Variants in RYR1 observed in about 807,000 individuals in gnomAD.
The protein encoded by RYR1 is central core disease of muscle.
Under a neutral mutation model 583.5 loss-of-function variants are expected in RYR1, and 342 were observed. The observed-to-expected ratio is 0.59, with a 90% confidence interval of 0.54 to 0.64. RYR1 has a LOEUF of 0.64. Ranked by LOEUF, RYR1 falls within the 30% of genes least tolerant of loss-of-function variation. The pLI is 0.00. For synonymous variants in RYR1, 2,791 were observed against 2,822.5 expected (o/e 0.99, Z 0.35); for missense variants, 6,032 against 6,917.2 (o/e 0.87, Z 4.54).
chr19:38,511,080 G>A (rs1332654935), intron 60 of RYR1, among the ~76,000 whole-genome samples: 1 of 152,150 alleles, frequency 6.6e-6, no homozygotes, highest in Non-Finnish European at 1.5e-5. Flanking sequence ...AAGATCACTT[G>A]AAGCCAGGAG....
At chr19:38,485,112 ACACAACTAGTATACT>A (rs1325855420) in intron 33 of RYR1, among the ~76,000 whole-genome samples, 24 of 152,234 alleles carry the variant, frequency 1.6e-4, no homozygotes, top group African/African-American at 5.8e-4. Flanking sequence ...TGGCACTCAA[ACACAACTAGTATACT>A]CAGACCTGCC....
In RYR1 at chr19:38,527,537, G is replaced by T. The variant is rs757561328; in HGVS notation, c.10687-110G>T. The T allele has an allele frequency of 5.3e-5, 73 of 1,368,860 alleles. 1 individual carries two copies. Among genetic ancestry groups the T allele is most frequent in the East Asian group, 3.6e-4 (15 of 41,564 alleles). The allele number at this position is 1,368,860 out of a possible 1,614,324, so 84.8% of individuals were successfully genotyped here. ...AACAAAAAGATGAAGAAGAAGAAAG[G>T]CCTCAACATGCACTCACCCATTGAG... On this transcript the variant is annotated intron_variant, in intron 72 of 105. Coordinates refer to ENST00000359596, the MANE Select transcript of RYR1 (RefSeq NM_000540.3).
rs797045928 is a variant in RYR1 at position 38,517,698 on chromosome 19, C to T, written c.10018+7C>T. ...TGGATGAAGCGGCTGGCTGGTGGGT[C>T]GGGGGGCACTGGGCCTCTGAGGGGT... is the stretch of plus-strand genomic sequence containing the variant. On this transcript the variant is annotated splice_region_variant and intron_variant, in intron 66 of 105. Transcript: ENST00000359596. 16 of 1,610,758 alleles carry T rather than the reference C, an allele frequency of 9.9e-6. No homozygotes were observed. Among genetic ancestry groups the T allele is most frequent in the Non-Finnish European group, 1.2e-5 (14 of 1,177,138 alleles).
Position 38,586,283 on chromosome 19 carries a change from G to A in RYR1, c.14969+92G>A, listed in dbSNP as rs572974580. ...CTTAGCTTTGGCCAGTTAGGAAAGG[G>A]GGTGTAGTGTCCATGTGGGCAGATT... On this transcript the variant is annotated intron_variant, in intron 104 of 105. Coordinates refer to ENST00000359596, the MANE Select transcript of RYR1 (RefSeq NM_000540.3). 4 of 1,185,430 alleles carry A rather than the reference G, an allele frequency of 3.4e-6. No homozygotes were observed. The South Asian group carries it at 6.4e-5, about 19-fold the overall frequency. The allele number at this position is 1,185,430 out of a possible 1,614,324, so 73.4% of individuals were successfully genotyped here. A position where few individuals can be genotyped will look rare whatever the true frequency, so the allele number is the denominator to read the frequency against.
intron 4 of RYR1, 33 bp downstream of exon 4, chr19:38,443,665 C>A: frequency 6.2e-7 from 1 of 1,613,742 alleles, no homozygotes; most frequent in South Asian, 1.1e-5. Context: ...TGGGCAGGGG[C>A]CAGGGCATGT....
rs150566334 is a variant in RYR1, at chr19:38,549,875, TTGTGTGTGTGTGTGTG to T, written c.12282+1491_12282+1506del. On this transcript the variant is annotated intron_variant, in intron 89 of 105. Coordinates refer to ENST00000359596, the MANE Select transcript of RYR1 (RefSeq NM_000540.3). ...CACGCACCACCATGCCCAGCTAAATTTGTGTGTGTGTGTGTGTGTGTGTGTGTGTGTGTGTGTGTGT... is the reference window on the plus strand; with the variant it reads ...CACGCACCACCATGCCCAGCTAAATTTGTGTGTGTGTGTGTGTGTGTGTGT... Among the ~76,000 whole-genome samples the T allele has an allele frequency of 5.0e-3, 613 of 122,252 alleles. 6 individuals carry two copies. The highest frequency in any genetic ancestry group is 0.017 in the African/African-American group (534 of 31,950). The allele number at this position is 122,252 out of a possible 152,430, so 80.2% of individuals were successfully genotyped here.
chr19:38,490,267 C>T lies in RYR1; in HGVS notation c.6006C>T (p.Pro2002=), dbSNP rs753662931. ...ARRTREFRSP[P]QEQINMLLQF... ...GTACCCGCGAGTTCCGCTCCCCACC[C>T]CAGGAACAGGTCATCTGACCCCTGA... is the stretch of plus-strand genomic sequence containing the variant. The change falls in exon 36 of 106, where the codon CCC becomes CCT. Residue 2002 remains proline (P), a synonymous_variant. Transcript: ENST00000359596. 1 of 1,613,800 alleles carries T rather than the reference C, an allele frequency of 6.2e-7. No homozygotes were observed. The highest frequency in any genetic ancestry group is 8.5e-7 in the Non-Finnish European group (1 of 1,179,892).
At chr19:38,486,775 A>G (rs150252938) in intron 34 of RYR1, among the ~76,000 whole-genome samples, 2 of 152,086 alleles carry the variant, frequency 1.3e-5, no homozygotes, top group Non-Finnish European at 2.9e-5. Flanking sequence ...ACCAACCATC[A>G]TTCATCCATC....
intron 70 of RYR1, 69 bp from the exon 71 acceptor site, chr19:38,525,263 A>G: frequency 1.3e-6 from 2 of 1,583,742 alleles, no homozygotes; most frequent in Non-Finnish European, 1.7e-6. Flanking sequence ...GGTGTGGATG[A>G]TGGCCGCGGG....
Position 38,515,020 on chromosome 19 carries a change from C to T in RYR1, c.9473-6C>T, listed in dbSNP as rs1209330437. The T allele has an allele frequency of 6.2e-7, 1 of 1,610,610 alleles. No homozygotes were observed. The highest frequency in any genetic ancestry group is 1.7e-5 in the Admixed American group (1 of 59,948). ...ATGCCGCAGCCTCGCCCCCTGTCTC[C>T]CTCAGTGGACGACGTCCAGGTCTCT... is the stretch of plus-strand genomic sequence containing the variant. On this transcript the variant is annotated splice_polypyrimidine_tract_variant and splice_region_variant and intron_variant, in intron 63 of 105. Coordinates refer to ENST00000359596, the MANE Select transcript of RYR1 (RefSeq NM_000540.3).
At chr19:38,463,149 C>CG (rs1967868621) in intron 20 of RYR1, among the ~76,000 whole-genome samples, 1 of 68,618 alleles carries the variant, frequency 1.5e-5, no homozygotes, top group South Asian at 4.5e-4. Flanking sequence ...CTGCCCCCCC[C>CG]CCCCCCACTT....
chr19:38,456,157 A>G (rs1202120941), intron 16 of RYR1, among the ~76,000 whole-genome samples: 1 of 139,282 alleles, frequency 7.2e-6, no homozygotes, highest in African/African-American at 2.7e-5. Context: ...TTTTTTTTTT[A>G]GTAGAGACAG....
intron 38 of RYR1, among the ~76,000 whole-genome samples, chr19:38,493,481 T>C (rs576551700): frequency 6.6e-6 from 1 of 151,150 alleles, no homozygotes; most frequent in African/African-American, 2.4e-5. Flanking sequence ...TCAAAGCCCC[T>C]GCCCACGAGT....
At chr19:38,474,045 C>T (rs771239630) in intron 28 of RYR1, among the ~76,000 whole-genome samples, 2 of 152,174 alleles carry the variant, frequency 1.3e-5, no homozygotes, top group African/African-American at 4.8e-5. Context: ...CAAAGGGCTT[C>T]GCCCAATGGA....
intron 27 of RYR1, among the ~76,000 whole-genome samples, chr19:38,472,421 T>C (rs978467405): frequency 6.6e-6 from 1 of 152,186 alleles, no homozygotes; most frequent in South Asian, 2.1e-4. Flanking sequence ...GAATTGTAAC[T>C]GAACACAGGT....
At position 38,507,801 on chromosome 19, in the gene RYR1, T is replaced by A; in HGVS notation, c.8906T>A (p.Ile2969Asn). 1 of 1,613,436 alleles carries A rather than the reference T, an allele frequency of 6.2e-7. No individual in the cohort carries two copies. Among genetic ancestry groups the A allele is most frequent in the African/African-American group, 1.3e-5 (1 of 74,980 alleles). Residue 2969 changes from isoleucine (I) to asparagine (N), a missense_variant, in exon 58 of 106, where the codon ATT becomes AAT. Transcript: ENST00000359596. ...CAGCAGCTGCTGCGCTGGATGGACA[T>A]TTCTCAGGAGTTCATTGCCCACCTG... Reference protein sequence around the residue: ...FLQQLLRWMDISQEFIAHLEA... With the variant: ...FLQQLLRWMDNSQEFIAHLEA...
At chr19:38,573,418 A>C in intron 96 of RYR1, 111 bp downstream of exon 96, 1 of 1,383,108 alleles carries the variant, frequency 7.2e-7, no homozygotes, top group Admixed American at 2.3e-5. Context: ...ACGGTGGCTC[A>C]CACCTGTAAT....
intron 90 of RYR1, 70 bp from the exon 91 acceptor site, chr19:38,564,889 C>T (rs1844072974): frequency 2.6e-6 from 4 of 1,534,614 alleles, no homozygotes; most frequent in Non-Finnish European, 3.5e-6. Context: ...TTGTAGCTGC[C>T]ACTGCGCTGT....
chr19:38,479,678 G>C (rs918940495), intron 31 of RYR1, among the ~76,000 whole-genome samples: 1 of 151,852 alleles, frequency 6.6e-6, no homozygotes, highest in Non-Finnish European at 1.5e-5. Context: ...CTCCCAAAAT[G>C]CTGGGATTAC....
Sources: allele counts gnomAD v4.1 joint callset (sites outside exome capture counted in the v4.1 genomes callset), GRCh38; gene constraint gnomAD v4.1.1; transcripts MANE v1.5; gene names NCBI Gene and HGNC (gene_info 2026-07-23, HGNC 2026-07-21).